DYNC2I1: variants seen among roughly 807,000 people sequenced by gnomAD.
The protein encoded by DYNC2I1 is dynein 2 intermediate chain 1.
Under a neutral mutation model 133.4 loss-of-function variants are expected in DYNC2I1, and 89 were observed. That is an observed-to-expected ratio of 0.67 (90% CI 0.56 to 0.80). DYNC2I1 has a LOEUF of 0.80. Among genes scored for constraint, DYNC2I1 ranks in the 30% least tolerant of loss-of-function variants. The probability of loss-of-function intolerance (pLI) is 0.00; values close to 1 mark genes in which losing one functional copy is unlikely to be tolerated. For synonymous variants in DYNC2I1, 504 were observed against 484.3 expected (o/e 1.04, Z -0.54); for missense variants, 1,291 against 1,314.5 (o/e 0.98, Z 0.28).
At chr7:158,927,408 TAAAAA>T (rs71189436) in intron 20 of DYNC2I1, among the ~76,000 whole-genome samples, 1 of 142,956 alleles carries the variant, frequency 7.0e-6, no homozygotes, top group Non-Finnish European at 1.5e-5. Flanking sequence ...GTCTCTCTGT[TAAAAA>T]AAAAAAAAAG....
chr7:158,902,560 G>A lies in DYNC2I1; in HGVS notation c.1322G>A (p.Arg441Gln), dbSNP rs776749384. The A allele has an allele frequency of 2.7e-5, 43 of 1,613,846 alleles. No homozygotes were observed. The highest frequency in any genetic ancestry group is 3.3e-5 in the South Asian group (3 of 91,070). ...TTATCTTTGAAACTGTTTCAGAAGCGAGGTAGAACAGAATTTGAAAAGGAG... is the reference window on the plus strand; with the variant it reads ...TTATCTTTGAAACTGTTTCAGAAGCAAGGTAGAACAGAATTTGAAAAGGAG... ...GELSLKLFQK[R>Q]GRTEFEKEPR... Residue 441 changes from arginine (R) to glutamine (Q), a missense_variant, in exon 10 of 25, where the codon CGA (arginine) becomes CAA (glutamine). Arg to Gln is a conservative substitution (Grantham distance 43). Transcript: ENST00000407559.
intron 17 of DYNC2I1, among the ~76,000 whole-genome samples, chr7:158,925,926 T>G (rs1849568042): frequency 6.6e-6 from 1 of 152,202 alleles, no homozygotes; most frequent in African/African-American, 2.4e-5. Context: ...ATGGTGGGCT[T>G]TAGCTTTCTT....
At chr7:158,948,615 T>G (rs542014065), downstream of DYNC2I1, among the ~76,000 whole-genome samples, 8 of 152,234 alleles carry the variant, frequency 5.3e-5, no homozygotes, top group African/African-American at 1.9e-4. Flanking sequence ...GAGTGGCAGT[T>G]GTGTCTGCAG....
At chr7:158,935,915 G>A (rs957346786) in intron 23 of DYNC2I1, among the ~76,000 whole-genome samples, 7 of 152,108 alleles carry the variant, frequency 4.6e-5, no homozygotes, top group Non-Finnish European at 8.8e-5. Flanking sequence ...AAAATACAAA[G>A]TTATCTGGGC....
At chr7:158,849,154 G>T in the DYNC2I1 span, among the ~76,000 whole-genome samples, 1 of 152,182 alleles carries the variant, frequency 6.6e-6, no homozygotes, top group Non-Finnish European at 1.5e-5. Flanking sequence ...CTTTTTACTA[G>T]AAAAGGTAAA....
chr7:158,902,315 T>C, intron 9 of DYNC2I1, 61 bp from the exon 10 acceptor site: 1 of 1,393,594 alleles, frequency 7.2e-7, no homozygotes. Flanking sequence ...TTGTTCAGTA[T>C]GAGGGATAAT....
Position 158,918,871 on chromosome 7 carries a change from T to C in DYNC2I1, c.1921+2T>C. On this transcript the variant is annotated splice_donor_variant, in intron 15 of 24. Transcript: ENST00000407559. LOFTEE classifies it high-confidence loss of function. ...ACACCAGTCTACCATTCCTTCAAAG[T>C]AAGAGGCTGTTCTCAAATATGATTT... 1 of 1,610,442 alleles carries C rather than the reference T, an allele frequency of 6.2e-7. No homozygotes were observed. Among genetic ancestry groups the C allele is most frequent in the Non-Finnish European group, 8.5e-7 (1 of 1,177,450 alleles).
intron 5 of DYNC2I1, 81 bp from the exon 6 acceptor site, chr7:158,884,483 G>GT: frequency 7.4e-7 from 1 of 1,355,198 alleles, no homozygotes; most frequent in Non-Finnish European, 1.0e-6. Context: ...ATCTGTGCTT[G>GT]TTTTGTGGGG....
intron 8 of DYNC2I1, among the ~76,000 whole-genome samples, chr7:158,891,966 G>A (rs528602899): frequency 1.4e-4 from 21 of 152,042 alleles, no homozygotes; most frequent in African/African-American, 4.3e-4. Context: ...GACCTGGAGC[G>A]GAGCTTGATG....
upstream of DYNC2I1, among the ~76,000 whole-genome samples, chr7:158,852,092 C>T (rs1584912770): frequency 6.6e-6 from 1 of 151,988 alleles, no homozygotes; most frequent in African/African-American, 2.4e-5. Flanking sequence ...GGCCAGGGAC[C>T]ATAGCAGAAG....
intron 8 of DYNC2I1, among the ~76,000 whole-genome samples, chr7:158,896,451 G>A (rs376019749): frequency 6.6e-5 from 10 of 152,152 alleles, no homozygotes; most frequent in Middle Eastern, 3.2e-3. Flanking sequence ...GTTGGTTGTG[G>A]TGTATGATTC....
At chr7:158,919,475 G>T (rs1222196800) in intron 15 of DYNC2I1, among the ~76,000 whole-genome samples, 2 of 152,210 alleles carry the variant, frequency 1.3e-5, no homozygotes, top group Non-Finnish European at 2.9e-5. Context: ...TAACCTCTTT[G>T]TCTCTGAAAA....
At chr7:158,897,129 G>A (rs1845833493) in intron 8 of DYNC2I1, among the ~76,000 whole-genome samples, 2 of 151,698 alleles carry the variant, frequency 1.3e-5, no homozygotes, top group African/African-American at 4.8e-5. Flanking sequence ...GATTACAGGT[G>A]CCTGCCGCCA....
At chr7:158,858,242 C>T (rs1340551079) in intron 1 of DYNC2I1, among the ~76,000 whole-genome samples, 4 of 152,194 alleles carry the variant, frequency 2.6e-5, no homozygotes, top group Non-Finnish European at 5.9e-5. Flanking sequence ...CTGTAACTTA[C>T]ATTGTCCGTG....
intron 12 of DYNC2I1, among the ~76,000 whole-genome samples, 169 bp downstream of exon 12, chr7:158,911,848 G>C (rs565978618): frequency 6.6e-6 from 1 of 152,202 alleles, no homozygotes; most frequent in Non-Finnish European, 1.5e-5. Context: ...CCATTCACCC[G>C]AGAGGCCGGG....
At chr7:158,931,141 TAAA>T (rs1484373402) in intron 21 of DYNC2I1, among the ~76,000 whole-genome samples, 1 of 152,246 alleles carries the variant, frequency 6.6e-6, no homozygotes, top group Non-Finnish European at 1.5e-5. Context: ...GAAACATTGA[TAAA>T]AAGTTTTATT....
intron 1 of DYNC2I1, among the ~76,000 whole-genome samples, chr7:158,857,771 CGT>C (rs200195741): frequency 0.037 from 5,371 of 145,986 alleles, 344 homozygotes; most frequent in African/African-American, 0.13. Context: ...CTCCTGACTT[CGT>C]GAGCCACTGC....
At chr7:158,920,255 G>T (rs1400527130) in intron 15 of DYNC2I1, among the ~76,000 whole-genome samples, 4 of 151,312 alleles carry the variant, frequency 2.6e-5, no homozygotes, top group Non-Finnish European at 5.9e-5. Context: ...AACACATGAA[G>T]TGTGTGTGTG....
chr7:158,916,182 G>A (rs1460011043), intron 14 of DYNC2I1, among the ~76,000 whole-genome samples: 1 of 70,188 alleles, frequency 1.4e-5, no homozygotes, highest in African/African-American at 4.6e-5. Context: ...ACGTCGACAC[G>A]CTGGTTGACA....
Sources: gnomAD v4.1 joint callset for allele counts (sites outside exome capture counted in the v4.1 genomes callset) on GRCh38, gnomAD v4.1.1 for gene constraint, MANE v1.5 for transcripts, NCBI Gene and HGNC (gene_info 2026-07-23, HGNC 2026-07-21) for gene names.